The following ABHD3 variants were observed in gnomAD, a reference collection of about 807,000 sequenced individuals.
The protein encoded by ABHD3 is abhydrolase domain containing 3, phospholipase.
In ABHD3, 46 loss-of-function variants were observed where a neutral mutation model predicts 48.8. That is an observed-to-expected ratio of 0.94 (90% CI 0.74 to 1.20). The LOEUF (loss-of-function observed/expected upper bound fraction) is 1.20. Among genes scored for constraint, ABHD3 ranks in the 50% most tolerant of loss-of-function variants. ABHD3 has a pLI of 0.00. For synonymous variants in ABHD3, 192 were observed against 183.7 expected, an observed-to-expected ratio of 1.04 and a Z score of -0.36; for missense variants, 490 against 497.8, an observed-to-expected ratio of 0.98 and a Z score of 0.15.
At chr18:21,677,098 A>C (rs2039899558) in intron 4 of ABHD3, among the ~76,000 whole-genome samples, 1 of 152,168 alleles carries the variant, frequency 6.6e-6, no homozygotes, top group South Asian at 2.1e-4. Flanking sequence ...GCCTATTTTG[A>C]ATATTTCATA....
intron 4 of ABHD3, among the ~76,000 whole-genome samples, chr18:21,681,590 A>G (rs1179912012): frequency 6.6e-6 from 1 of 152,106 alleles, no homozygotes; most frequent in East Asian, 1.9e-4. Context: ...TCTTTCTAAA[A>G]CATGACCATG....
intron 8 of ABHD3, among the ~76,000 whole-genome samples, chr18:21,652,448 G>C (rs1160876370): frequency 6.6e-6 from 1 of 151,812 alleles, no homozygotes; most frequent in East Asian, 1.9e-4. Flanking sequence ...GAAAGAACGA[G>C]AATGAAAACA....
rs1568135900 is a variant in ABHD3 at position 21,657,023 on chromosome 18, T to C, written c.895A>G (p.Lys299Glu). ...CGCTTATCAAACTCTCTGATGGATTTAGCCTGAAACACAAAAACAAATTAT... is the reference window on the plus strand; with the variant it reads ...CGCTTATCAAACTCTCTGATGGATTCAGCCTGAAACACAAAAACAAATTAT... ...QVDMDHVMKAKSIREFDKRFT... is the reference protein window; with the variant it reads ...QVDMDHVMKAESIREFDKRFT... The change falls in exon 8 of 9, where the codon AAA becomes GAA. Residue 299 changes from lysine to glutamate, a missense_variant. Lys to Glu is a moderately conservative substitution (Grantham distance 56). Transcript: ENST00000289119. The C allele has an allele frequency of 6.2e-7, 1 of 1,614,086 alleles. No homozygotes were observed.
intron 4 of ABHD3, among the ~76,000 whole-genome samples, chr18:21,673,272 G>T (rs1310483313): frequency 6.6e-6 from 1 of 152,160 alleles, no homozygotes; most frequent in Non-Finnish European, 1.5e-5. Flanking sequence ...AAATGAATCA[G>T]AATCTCTGGG....
chr18:21,663,910 C>A, intron 5 of ABHD3: 2 of 1,433,512 alleles, frequency 1.4e-6, no homozygotes. Flanking sequence ...GTCACAGAGA[C>A]CCGTAGTTAA....
At chr18:21,675,159 G>C (rs985710307) in intron 4 of ABHD3, among the ~76,000 whole-genome samples, 3 of 151,958 alleles carry the variant, frequency 2.0e-5, no homozygotes, top group African/African-American at 7.3e-5. Flanking sequence ...AAGACACCAG[G>C]CTGCACAGCC....
Position 21,703,646 on chromosome 18 carries a change from C to G in ABHD3, c.264G>C (p.Glu88Asp), listed in dbSNP as rs142589005. Residue 88 changes from glutamate (E) to aspartate (D), a missense_variant, in exon 2 of 9, where the codon GAG becomes GAC. Coordinates refer to ENST00000289119, the MANE Select transcript of ABHD3 (RefSeq NM_138340.5). ...GTCTAAGCAGGGTCTGTCCTCGACC[C>G]TCCCAGCACCAGACCGTCGGGTAGT... ...ETYYPTVWCWEGRGQTLLRPF... is the reference protein window; with the variant it reads ...ETYYPTVWCWDGRGQTLLRPF... The G allele has an allele frequency of 4.6e-5, 75 of 1,614,032 alleles. No individual in the cohort carries two copies. The highest frequency in any genetic ancestry group is 6.1e-5 in the Non-Finnish European group (72 of 1,180,036).
chr18:21,653,391 T>A (rs1304764484), intron 8 of ABHD3, among the ~76,000 whole-genome samples: 2 of 150,924 alleles, frequency 1.3e-5, no homozygotes, highest in Non-Finnish European at 3.0e-5. Flanking sequence ...TCAAGTGATT[T>A]GCCTGCCTCA....
At chr18:21,679,606 G>A (rs1568151902) in intron 4 of ABHD3, among the ~76,000 whole-genome samples, 1 of 152,184 alleles carries the variant, frequency 6.6e-6, no homozygotes, top group African/African-American at 2.4e-5. Context: ...TGGGCTCACT[G>A]CAACCTTTGC....
At chr18:21,699,163 C>G (rs778084584) in intron 3 of ABHD3, among the ~76,000 whole-genome samples, 5 of 152,124 alleles carry the variant, frequency 3.3e-5, no homozygotes, top group Admixed American at 6.5e-5. Flanking sequence ...ATCCACCCAC[C>G]TCAGCCTCCC....
chr18:21,651,766 T>A lies in ABHD3; in HGVS notation c.1058-3A>T. 1 of 1,518,084 alleles carries A rather than the reference T, an allele frequency of 6.6e-7. No homozygotes were observed. Among genetic ancestry groups the A allele is most frequent in the Admixed American group, 2.3e-5 (1 of 44,040 alleles). The allele number at this position is 1,518,084 out of a possible 1,614,324, so 94.0% of individuals were successfully genotyped here. On this transcript the variant is annotated splice_polypyrimidine_tract_variant and splice_region_variant and intron_variant, in intron 8 of 8. Coordinates refer to ENST00000289119, the MANE Select transcript of ABHD3 (RefSeq NM_138340.5). The stretch of plus-strand genomic sequence containing the variant: ...CTTAGCAGTTTCTATTGGAATAGCT[T>A]CAGACCAAAAAAAACATGGCAATAA...
At chr18:21,701,664 T>A (rs1302653729) in intron 3 of ABHD3, 1 of 152,126 alleles carries the variant, frequency 6.6e-6, no homozygotes, top group African/African-American at 2.4e-5. Flanking sequence ...GCAGTACCTT[T>A]TATAATGACT....
intron 4 of ABHD3, among the ~76,000 whole-genome samples, chr18:21,672,771 G>C (rs902400674): frequency 2.0e-5 from 3 of 152,186 alleles, no homozygotes; most frequent in African/African-American, 7.2e-5. Flanking sequence ...TAAATAATGA[G>C]TCAGACAGAA....
chr18:21,666,341 G>A lies in ABHD3; in HGVS notation c.556-2111C>T, dbSNP rs181866099. Among the ~76,000 whole-genome samples the A allele has an allele frequency of 3.8e-3, 579 of 152,196 alleles. 3 individuals carry two copies. The highest frequency in any genetic ancestry group is 0.01 in the Middle Eastern group (3 of 294). ...CCTGAGTAGCTGGGACTACAGGTAC[G>A]TACCACCACGCCTGGCTAATTTTTG... On this transcript the variant is annotated intron_variant, in intron 4 of 8. Transcript: ENST00000289119.
At chr18:21,667,476 A>G (rs930570963) in intron 4 of ABHD3, among the ~76,000 whole-genome samples, 24 of 151,162 alleles carry the variant, frequency 1.6e-4, no homozygotes, top group African/African-American at 5.8e-4. Context: ...CCTGACCTCA[A>G]GTGATCCGCC....
At chr18:21,700,852 G>C (rs954650330) in intron 3 of ABHD3, among the ~76,000 whole-genome samples, 1 of 120,152 alleles carries the variant, frequency 8.3e-6, no homozygotes, top group Non-Finnish European at 1.7e-5. Flanking sequence ...AAAAAAAATG[G>C]AACCAGGCTG....
intron 6 of ABHD3, 84 bp downstream of exon 6, chr18:21,659,086 G>C: frequency 1.5e-6 from 2 of 1,370,700 alleles, no homozygotes; most frequent in Non-Finnish European, 2.0e-6. Context: ...TGATCCCCCC[G>C]CCTCAGCCTC....
At chr18:21,693,506 A>T (rs2040299532) in intron 3 of ABHD3, among the ~76,000 whole-genome samples, 1 of 152,222 alleles carries the variant, frequency 6.6e-6, no homozygotes, top group Non-Finnish European at 1.5e-5. Context: ...GGTGCTCTGA[A>T]CACAGAGTAC....
At chr18:21,664,078 C>G in intron 5 of ABHD3, 40 bp downstream of exon 5, 1 of 1,578,336 alleles carries the variant, frequency 6.3e-7, no homozygotes, top group African/African-American at 1.4e-5. Flanking sequence ...AATAAAATAG[C>G]TTCCCTCTCA....
Sources: allele counts gnomAD v4.1 joint callset (sites outside exome capture counted in the v4.1 genomes callset), GRCh38; gene constraint gnomAD v4.1.1; transcripts MANE v1.5; gene names NCBI Gene and HGNC (gene_info 2026-07-23, HGNC 2026-07-21).